Variants in NUP188 observed in about 807,000 individuals in gnomAD.
NUP188 encodes the protein nucleoporin 188, also known as nucleoporin NUP188.
NUP188 carries 97 observed loss-of-function variants against 223.0 expected under a neutral mutation model. The observed-to-expected ratio is 0.43, with a 90% confidence interval of 0.37 to 0.51. The LOEUF (loss-of-function observed/expected upper bound fraction) is 0.51, where lower values mean the gene tolerates loss of function less well. Among genes scored for constraint, NUP188 ranks in the 20% least tolerant of loss-of-function variants. The probability of loss-of-function intolerance (pLI) is 0.00; values close to 1 mark genes in which losing one functional copy is unlikely to be tolerated. For missense variants in NUP188, 1,947 were observed against 2,175.6 expected (o/e 0.89, Z 2.09); for synonymous variants, 869 against 828.0 (o/e 1.05, Z -0.85).
chr9:128,962,370 T>TCC (rs1841968327), intron 8 of NUP188, among the ~76,000 whole-genome samples: 1 of 151,710 alleles, frequency 6.6e-6, no homozygotes, highest in South Asian at 2.1e-4. Context: ...TGCCTCAGTC[T>TCC]CCCAAGTAGC....
At chr9:128,950,095 A>G (rs542140883) in intron 2 of NUP188, among the ~76,000 whole-genome samples, 3 of 141,332 alleles carry the variant, frequency 2.1e-5, no homozygotes, top group African/African-American at 5.3e-5. Flanking sequence ...GCTGATTTTT[A>G]TATTTTTAGT....
intron 3 of NUP188, among the ~76,000 whole-genome samples, chr9:128,954,281 C>A (rs1841837674): frequency 6.6e-6 from 1 of 151,042 alleles, no homozygotes; most frequent in Non-Finnish European, 1.5e-5. Context: ...GTGGCACGAT[C>A]TCGGCTCACT....
intron 15 of NUP188, 104 bp downstream of exon 15, chr9:128,981,494 C>G: frequency 8.4e-7 from 1 of 1,190,368 alleles, no homozygotes; most frequent in South Asian, 1.5e-5. Context: ...CTCACTGCAG[C>G]CTCAAATTCT....
intron 30 of NUP188, among the ~76,000 whole-genome samples, chr9:128,997,172 G>A (rs1842541897): frequency 1.3e-5 from 2 of 152,188 alleles, no homozygotes; most frequent in South Asian, 2.1e-4. Flanking sequence ...TGGAGCCCGT[G>A]GAGGAGAGAA....
At position 128,990,215 on chromosome 9, in the gene NUP188, C is replaced by A; in HGVS notation, c.2629C>A (p.Arg877Ser). The A allele has an allele frequency of 6.2e-7, 1 of 1,612,830 alleles. No homozygotes were observed. Among genetic ancestry groups the A allele is most frequent in the Non-Finnish European group, 8.5e-7 (1 of 1,178,794 alleles). ...LPRLAIQLLK[R>S]LATVAPMSVY... ...ACGTCTTGCCATTCAGCTGCTGAAACGTCTGGCCACGGTAGGATCGTACTT... is the reference window on the plus strand; with the variant it reads ...ACGTCTTGCCATTCAGCTGCTGAAAAGTCTGGCCACGGTAGGATCGTACTT... The change falls in exon 25 of 44, where the codon CGT (arginine) becomes AGT (serine). Residue 877 changes from arginine (R) to serine (S), a missense_variant. This residue lies in a region of NUP188 where 225 missense variants were observed against 319.1 expected (regional missense o/e 0.71). Coordinates refer to ENST00000372577, the MANE Select transcript of NUP188 (RefSeq NM_015354.3).
chr9:128,971,522 G>T (rs1164970386), intron 11 of NUP188, among the ~76,000 whole-genome samples: 2 of 152,108 alleles, frequency 1.3e-5, no homozygotes, highest in East Asian at 3.9e-4. Context: ...AAGTTCAAGC[G>T]ATTCTCCTGC....
Position 129,001,925 on chromosome 9 carries a change from T to C in NUP188, c.4086T>C (p.Ile1362=), listed in dbSNP as rs1326069298. The part of the protein sequence containing the change: ...AVAGAGITQS[I]CLPLLSVYQL... ...CTGGAGCTGGCATCACCCAGAGCATTTGTTTGCCCCTTCTGAGTGTGTACC... is the reference window on the plus strand; with the variant it reads ...CTGGAGCTGGCATCACCCAGAGCATCTGTTTGCCCCTTCTGAGTGTGTACC... Residue 1362 remains isoleucine, a synonymous_variant, in exon 36 of 44, where the codon ATT becomes ATC. Coordinates refer to ENST00000372577, the MANE Select transcript of NUP188 (RefSeq NM_015354.3). 6.2e-7 allele frequency: 1 copy of C among 1,614,020 alleles called. No homozygotes were observed. Among genetic ancestry groups the C allele is most frequent in the Non-Finnish European group, 8.5e-7 (1 of 1,180,022 alleles).
intron 3 of NUP188, 115 bp from the exon 4 acceptor site, chr9:128,956,231 GTGTT>G (rs967470795): frequency 1.9e-6 from 1 of 524,156 alleles, no homozygotes; most frequent in Middle Eastern, 5.0e-4. Flanking sequence ...GTTTGTGTGT[GTGTT>G]TATAGGCATC....
chr9:128,960,318 G>A (rs868389275), intron 8 of NUP188, among the ~76,000 whole-genome samples: 60 of 151,466 alleles, frequency 4.0e-4, no homozygotes, highest in African/African-American at 1.3e-3. Flanking sequence ...CTATCTCCCC[G>A]CCTCAGCCTC....
Position 128,979,245 on chromosome 9 carries a change from T to C in NUP188, c.1204-17T>C. On this transcript the variant is annotated splice_polypyrimidine_tract_variant and intron_variant, in intron 12 of 43. Transcript: ENST00000372577. ...AGCTAGGGAAAATGATCCATTTTTC[T>C]TCCCTTCCTCAAACAGGATATAATT... 2 of 1,595,182 alleles carry C rather than the reference T, an allele frequency of 1.3e-6. No homozygotes were observed. Among genetic ancestry groups the C allele is most frequent in the Non-Finnish European group, 1.7e-6 (2 of 1,165,204 alleles).
chr9:128,987,868 T>A, intron 23 of NUP188, 151 bp downstream of exon 23: 1 of 1,212,804 alleles, frequency 8.2e-7, no homozygotes, highest in South Asian at 1.4e-5. Context: ...GGCTGCTGTA[T>A]AGATTGGCGT....
At chr9:129,000,206 T>G (rs1842616347) in intron 34 of NUP188, among the ~76,000 whole-genome samples, 1 of 151,112 alleles carries the variant, frequency 6.6e-6, no homozygotes, top group South Asian at 2.1e-4. Flanking sequence ...ATCCTCCCAG[T>G]TCAGCCTTCC....
intron 35 of NUP188, 58 bp from the exon 36 acceptor site, chr9:129,001,826 T>C (rs1842674828): frequency 1.3e-6 from 2 of 1,594,790 alleles, no homozygotes; most frequent in Admixed American, 3.3e-5. Flanking sequence ...GAGCCCTACC[T>C]ACCCTAGGCA....
intron 8 of NUP188, among the ~76,000 whole-genome samples, chr9:128,964,706 ATTTTT>A (rs112671736): frequency 7.7e-6 from 1 of 129,464 alleles, no homozygotes; most frequent in Non-Finnish European, 1.6e-5. Context: ...TTTAATTTTA[ATTTTT>A]TTTTTTTTTT....
chr9:128,989,329 C>T (rs1204454464), intron 24 of NUP188, among the ~76,000 whole-genome samples: 1 of 151,798 alleles, frequency 6.6e-6, no homozygotes, highest in Non-Finnish European at 1.5e-5. Flanking sequence ...TGAAGCTTGG[C>T]AGGTCAAAGC....
intron 8 of NUP188, among the ~76,000 whole-genome samples, chr9:128,966,959 A>G (rs1564553860): frequency 1.3e-5 from 2 of 152,196 alleles, no homozygotes; most frequent in Non-Finnish European, 2.9e-5. Context: ...AATCTATGGC[A>G]TATCCACATA....
chr9:128,973,286 C>G, intron 12 of NUP188, 37 bp downstream of exon 12: 1 of 1,462,612 alleles, frequency 6.8e-7, no homozygotes, highest in Non-Finnish European at 9.6e-7. Context: ...TCTCTACTGC[C>G]CAGCTTTGCA....
At chr9:129,003,231 C>T (rs950008035) in intron 37 of NUP188, 86 bp from the exon 38 acceptor site, 11 of 1,473,126 alleles carry the variant, frequency 7.5e-6, no homozygotes, top group African/African-American at 1.4e-5. Context: ...GGGCCTGGGA[C>T]GTTGCCTCTC....
At chr9:128,996,501 T>C (rs529433692) in intron 30 of NUP188, among the ~76,000 whole-genome samples, 1 of 152,230 alleles carries the variant, frequency 6.6e-6, no homozygotes, top group Non-Finnish European at 1.5e-5. Flanking sequence ...GATGCCTCCT[T>C]TTTCCAAGCA....
Sources: gnomAD v4.1 joint callset for allele counts (sites outside exome capture counted in the v4.1 genomes callset) on GRCh38, gnomAD v4.1.1 for gene constraint, gnomAD v4.1.1 regional missense constraint, MANE v1.5 for transcripts, NCBI Gene and HGNC (gene_info 2026-07-23, HGNC 2026-07-21) for gene names.